The following MTPAP variants were observed in gnomAD, a reference collection of about 807,000 sequenced individuals.
The protein encoded by MTPAP is mitochondrial poly(A) polymerase, also known as poly(A) RNA polymerase, mitochondrial.
In MTPAP, 23 loss-of-function variants were observed where a neutral mutation model predicts 48.7. The ratio of observed to expected loss-of-function variants is 0.47; its 90% CI spans 0.34 to 0.67. MTPAP has a LOEUF of 0.67. Ranked by LOEUF, MTPAP falls within the 30% of genes least tolerant of loss-of-function variation. The pLI is 0.01. For missense variants in MTPAP, 614 were observed against 694.3 expected, an observed-to-expected ratio of 0.88 and a Z score of 1.30; for synonymous variants, 257 against 254.1, an observed-to-expected ratio of 1.01 and a Z score of -0.11.
intron 4 of MTPAP, among the ~76,000 whole-genome samples, chr10:30,332,246 T>C (rs1426273130): frequency 6.6e-6 from 1 of 152,244 alleles, no homozygotes; most frequent in Admixed American, 6.5e-5. Flanking sequence ...TGTATGTTTA[T>C]AACAACACTT....
At chr10:30,328,297 G>C (rs569654384) in intron 4 of MTPAP, among the ~76,000 whole-genome samples, 8 of 152,260 alleles carry the variant, frequency 5.3e-5, no homozygotes, top group African/African-American at 1.9e-4. Flanking sequence ...AAGACAAACA[G>C]GTTAGTGACC....
At chr10:30,343,613 G>A (rs1430040476) in intron 1 of MTPAP, among the ~76,000 whole-genome samples, 1 of 151,596 alleles carries the variant, frequency 6.6e-6, no homozygotes, top group African/African-American at 2.4e-5. Flanking sequence ...TGTCACCCAG[G>A]CTGGAGTGCA....
At chr10:30,321,676 A>C (rs1452433892) in intron 6 of MTPAP, among the ~76,000 whole-genome samples, 1 of 152,234 alleles carries the variant, frequency 6.6e-6, no homozygotes, top group Non-Finnish European at 1.5e-5. Flanking sequence ...TCTTAAGGTC[A>C]TTTTAAACAG....
At chr10:30,316,906 CA>C (rs367974337) in intron 6 of MTPAP, among the ~76,000 whole-genome samples, 71 of 33,376 alleles carry the variant, frequency 2.1e-3, no homozygotes, top group African/African-American at 0.011. Flanking sequence ...CAAAACAAAA[CA>C]AAACAAATTT....
intron 4 of MTPAP, 146 bp from the exon 5 acceptor site, chr10:30,326,781 G>GAA (rs1337467748): frequency 4.4e-6 from 3 of 676,482 alleles, no homozygotes; most frequent in African/African-American, 1.8e-5. Flanking sequence ...AACTCTTCAA[G>GAA]AAATCACAGC....
intron 3 of MTPAP, among the ~76,000 whole-genome samples, chr10:30,337,233 T>C (rs1325231565): frequency 6.6e-6 from 1 of 152,244 alleles, no homozygotes; most frequent in East Asian, 1.9e-4. Flanking sequence ...GCGACCAGCC[T>C]GACCAACATG....
chr10:30,318,179 C>T (rs1233785708), intron 6 of MTPAP, among the ~76,000 whole-genome samples: 1 of 151,994 alleles, frequency 6.6e-6, no homozygotes. Flanking sequence ...ACTTTAAATG[C>T]CTATAATCAC....
At chr10:30,321,066 A>G (rs1840719926) in intron 6 of MTPAP, among the ~76,000 whole-genome samples, 1 of 152,188 alleles carries the variant, frequency 6.6e-6, no homozygotes, top group South Asian at 2.1e-4. Flanking sequence ...CACTACTCCA[A>G]TAACACCTGA....
intron 4 of MTPAP, among the ~76,000 whole-genome samples, chr10:30,335,305 C>T (rs569754448): frequency 2.6e-5 from 4 of 151,350 alleles, no homozygotes; most frequent in East Asian, 3.9e-4. Flanking sequence ...CTGACCAATA[C>T]GTGAAACCCT....
intron 8 of MTPAP, among the ~76,000 whole-genome samples, chr10:30,314,482 G>A (rs1840637065): frequency 1.3e-5 from 2 of 151,568 alleles, no homozygotes; most frequent in South Asian, 4.2e-4. Context: ...TATGAGATGA[G>A]GAAAAAGAGG....
At chr10:30,346,478 G>C (rs994696575) in intron 1 of MTPAP, among the ~76,000 whole-genome samples, 2 of 152,162 alleles carry the variant, frequency 1.3e-5, no homozygotes, top group African/African-American at 4.8e-5. Context: ...GCTGAGCACT[G>C]GCTTTAAACA....
intron 3 of MTPAP, 66 bp downstream of exon 3, chr10:30,340,160 C>G: frequency 2.3e-6 from 3 of 1,285,030 alleles, no homozygotes; most frequent in Non-Finnish European, 3.4e-6. Context: ...GAACATTTTA[C>G]AGGAATCTTT....
chr10:30,324,074 G>T (rs756070423), intron 5 of MTPAP, among the ~76,000 whole-genome samples: 16 of 152,240 alleles, frequency 1.1e-4, no homozygotes, highest in Non-Finnish European at 1.9e-4. Context: ...CCAGCTACTT[G>T]GGTGGCTGAC....
Position 30,322,371 on chromosome 10 carries a change from A to C in MTPAP, c.1219+20T>G, listed in dbSNP as rs1840735315. ...ATAACATTGGAAAAAGAAAATGGAG[A>C]AGTTTCTTTCTAGTCTTACCTGCTA... is the stretch of plus-strand genomic sequence containing the variant. On this transcript the variant is annotated intron_variant, in intron 6 of 8. Transcript: ENST00000263063. 15 of 1,514,200 alleles carry C rather than the reference A, an allele frequency of 9.9e-6. No individual in the cohort carries two copies. Among genetic ancestry groups the C allele is most frequent in the Non-Finnish European group, 1.4e-5 (15 of 1,089,332 alleles). 93.8% of individuals were successfully genotyped at this position (1,514,200 alleles called of 1,614,324 possible).
At chr10:30,329,702 T>C (rs1393661528) in intron 4 of MTPAP, among the ~76,000 whole-genome samples, 1 of 152,100 alleles carries the variant, frequency 6.6e-6, no homozygotes, top group Non-Finnish European at 1.5e-5. Context: ...TAATATATAG[T>C]TGGCAATAAA....
Position 30,332,147 on chromosome 10 carries a change from T to C in MTPAP, c.780+4656A>G, listed in dbSNP as rs548789716. On this transcript the variant is annotated intron_variant, in intron 4 of 8. Transcript: ENST00000263063. ...TGAATGTAAGAGTACTTGTATTTTT[T>C]ATTGTATTTTATTTTTAATATTTTT... is the stretch of plus-strand genomic sequence containing the variant. Among the ~76,000 whole-genome samples, 14 of 152,378 alleles carry C rather than the reference T, an allele frequency of 9.2e-5. No homozygotes were observed. In the East Asian group the frequency reaches 2.3e-3, roughly 25 times the overall value.
chr10:30,314,439 TTAAATTAAATATA>T (rs1840636732), intron 8 of MTPAP, among the ~76,000 whole-genome samples: 2 of 152,098 alleles, frequency 1.3e-5, no homozygotes, highest in South Asian at 4.1e-4. Context: ...ATTAGAACCC[TTAAATTAAATATA>T]TTAATTAATG....
At chr10:30,316,399 C>T (rs552873690) in intron 6 of MTPAP, among the ~76,000 whole-genome samples, 189 bp from the exon 7 acceptor site, 10 of 151,696 alleles carry the variant, frequency 6.6e-5, no homozygotes, top group Admixed American at 2.0e-4. Context: ...CATGCCCCCA[C>T]GCTCAGCTCA....
intron 1 of MTPAP, among the ~76,000 whole-genome samples, chr10:30,342,202 C>T (rs948217920): frequency 2.6e-5 from 4 of 152,148 alleles, no homozygotes; most frequent in Middle Eastern, 3.2e-3. Context: ...CACCACTGCA[C>T]TCCATCCTGG....
Sources: allele counts gnomAD v4.1 joint callset (sites outside exome capture counted in the v4.1 genomes callset), GRCh38; gene constraint gnomAD v4.1.1; transcripts MANE v1.5; gene names NCBI Gene and HGNC (gene_info 2026-07-23, HGNC 2026-07-21).